ARL15: variants seen among roughly 807,000 people sequenced by gnomAD.
ARL15 encodes ADP-ribosylation factor-like protein 15.
A neutral mutation model predicts 25.2 loss-of-function variants in ARL15; 19 were observed. The ratio of observed to expected loss-of-function variants is 0.75; its 90% CI spans 0.53 to 1.10. ARL15 has a LOEUF of 1.10. Among genes scored for constraint, ARL15 ranks in the 50% least tolerant of loss-of-function variants. The pLI, the probability that ARL15 is intolerant of heterozygous loss-of-function variation, is 0.00. For missense variants in ARL15, 220 were observed against 246.0 expected (o/e 0.89, Z 0.71); for synonymous variants, 94 against 86.8 (o/e 1.08, Z -0.46).
intron 4 of ARL15, among the ~76,000 whole-genome samples, chr5:53,910,590 T>C (rs1252296281): frequency 1.4e-5 from 2 of 140,840 alleles, no homozygotes; most frequent in African/African-American, 5.3e-5. Flanking sequence ...AACCTGCACG[T>C]TGTGCACATG....
intron 4 of ARL15, among the ~76,000 whole-genome samples, chr5:53,953,693 C>T (rs901877586): frequency 2.0e-5 from 3 of 152,108 alleles, no homozygotes; most frequent in African/African-American, 7.2e-5. Flanking sequence ...GTAATGCCGA[C>T]GCCTGAAGGA....
At chr5:54,130,954 T>C (rs888509332) in intron 3 of ARL15, among the ~76,000 whole-genome samples, 14 of 152,136 alleles carry the variant, frequency 9.2e-5, no homozygotes, top group African/African-American at 3.1e-4. Context: ...AGCTTTAAAT[T>C]GAATTTGAGA....
At chr5:53,911,145 A>G (rs1034902040) in intron 4 of ARL15, among the ~76,000 whole-genome samples, 1 of 152,126 alleles carries the variant, frequency 6.6e-6, no homozygotes, top group African/African-American at 2.4e-5. Flanking sequence ...TAATTTTACC[A>G]TGGAGTGTGG....
At chr5:54,264,200 T>A (rs539311297) in intron 1 of ARL15, among the ~76,000 whole-genome samples, 82 of 152,142 alleles carry the variant, frequency 5.4e-4, no homozygotes, top group Middle Eastern at 3.4e-3. Context: ...TCCTTTCTCC[T>A]CCCTAAAAAA....
intron 1 of ARL15, among the ~76,000 whole-genome samples, chr5:54,275,526 G>A (rs1005664929): frequency 2.6e-5 from 4 of 152,040 alleles, no homozygotes; most frequent in African/African-American, 9.7e-5. Flanking sequence ...ACAAACATAC[G>A]GGAGTGGTGA....
intron 4 of ARL15, among the ~76,000 whole-genome samples, chr5:53,917,624 T>C (rs1580077888): frequency 6.6e-6 from 1 of 152,336 alleles, no homozygotes; most frequent in Non-Finnish European, 1.5e-5. Context: ...TTTTTACAAA[T>C]GTGACCAGTT....
intron 4 of ARL15, among the ~76,000 whole-genome samples, chr5:54,070,706 G>A (rs918214962): frequency 2.0e-5 from 3 of 151,776 alleles, no homozygotes; most frequent in African/African-American, 2.4e-5. Context: ...TTGGCTGAGT[G>A]TGGTGGCGAG....
At chr5:53,935,648 G>A (rs1030387092) in intron 4 of ARL15, among the ~76,000 whole-genome samples, 2 of 152,112 alleles carry the variant, frequency 1.3e-5, no homozygotes, top group Admixed American at 6.6e-5. Flanking sequence ...AGTGTGGAGC[G>A]GGAGGAATTT....
intron 3 of ARL15, among the ~76,000 whole-genome samples, chr5:54,134,529 A>C (rs1407389198): frequency 9.0e-6 from 1 of 111,614 alleles, no homozygotes; most frequent in Non-Finnish European, 1.7e-5. Flanking sequence ...CATGTCTATT[A>C]TTCCCTATAG....
Position 53,886,315 on chromosome 5 carries a change from C to A in ARL15, c.*246G>T, listed in dbSNP as rs866438459. On this transcript the variant is annotated 3_prime_UTR_variant, in exon 5 of 5. Coordinates refer to ENST00000504924, the MANE Select transcript of ARL15 (RefSeq NM_019087.3). Reference sequence around the variant, plus strand: ...TAGAACAACAGAAGGAAGAGACATGCGGGGAAGATAATTAGTGGTAAACAG... The same window carrying A: ...TAGAACAACAGAAGGAAGAGACATGAGGGGAAGATAATTAGTGGTAAACAG... 1.0e-5 allele frequency: 4 copies of A among 396,302 alleles called. No homozygotes were observed. The highest frequency in any genetic ancestry group is 6.2e-5 in the African/African-American group (3 of 48,532). 24.5% of individuals were successfully genotyped at this position (396,302 alleles called of 1,614,324 possible). A position where few individuals can be genotyped will look rare whatever the true frequency, so the allele number is the denominator to read the frequency against.
intron 1 of ARL15, among the ~76,000 whole-genome samples, chr5:54,197,204 G>A (rs910044640): frequency 1.7e-4 from 26 of 152,180 alleles, no homozygotes; most frequent in African/African-American, 6.3e-4. Context: ...TCTTTCAGCA[G>A]CAAGAACACA....
intron 4 of ARL15, among the ~76,000 whole-genome samples, chr5:54,074,774 G>A (rs993543762): frequency 6.6e-6 from 1 of 151,834 alleles, no homozygotes; most frequent in African/African-American, 2.4e-5. Context: ...TGACTCTGAA[G>A]CTTAATTTTT....
intron 4 of ARL15, chr5:54,067,104 C>T (rs1393445517): frequency 6.6e-6 from 1 of 152,658 alleles, no homozygotes; most frequent in African/African-American, 2.4e-5. Context: ...AGGAAATTGG[C>T]ACTCCTTTCA....
rs11338403 is a variant in ARL15 at position 54,306,391 on chromosome 5, C to CTT, written c.48+4039_48+4040dup. 8.2e-4 allele frequency among the ~76,000 whole-genome samples: 110 copies of CTT among 134,498 alleles called. 1 individual carries two copies. Among genetic ancestry groups the CTT allele is most frequent in the Non-Finnish European group, 9.5e-4 (61 of 63,924 alleles). The allele number at this position is 134,498 out of a possible 152,430, so 88.2% of individuals were successfully genotyped here. On this transcript the variant is annotated intron_variant, in intron 1 of 4. Transcript: ENST00000504924. ...CAGCAACATAATCACAATACGTTAA[C>CTT]TTTTTTTTTTTTTTTTTGTCTTGAG... is the stretch of plus-strand genomic sequence containing the variant.
intron 4 of ARL15, among the ~76,000 whole-genome samples, chr5:54,094,204 C>A (rs1281705542): frequency 6.6e-6 from 1 of 152,094 alleles, no homozygotes; most frequent in African/African-American, 2.4e-5. Flanking sequence ...GACCAGACCA[C>A]GTAGAGTCTC....
intron 3 of ARL15, among the ~76,000 whole-genome samples, chr5:54,150,851 CA>C (rs34261981): frequency 0.014 from 1,767 of 127,464 alleles, 32 homozygotes; most frequent in Middle Eastern, 0.048. Flanking sequence ...CACTGTTAAC[CA>C]AAAAAAAAAA....
chr5:53,892,548 T>C (rs1580054058), intron 4 of ARL15, among the ~76,000 whole-genome samples: 1 of 152,100 alleles, frequency 6.6e-6, no homozygotes, highest in East Asian at 1.9e-4. Flanking sequence ...ATAGGAATCA[T>C]GGTTTTGGGA....
intron 1 of ARL15, among the ~76,000 whole-genome samples, chr5:54,196,686 T>C (rs4865805): frequency 0.2 from 30,989 of 152,044 alleles, 3,624 homozygotes; most frequent in Admixed American, 0.31. Context: ...ATTTGAGATT[T>C]TGGCATTTAC....
chr5:53,896,843 A>G (rs1377025924), intron 4 of ARL15, among the ~76,000 whole-genome samples: 1 of 152,190 alleles, frequency 6.6e-6, no homozygotes, highest in Non-Finnish European at 1.5e-5. Context: ...ATACTCATTG[A>G]CAAGTTAAGC....
Sources: allele counts gnomAD v4.1 joint callset (sites outside exome capture counted in the v4.1 genomes callset), GRCh38; gene constraint gnomAD v4.1.1; transcripts MANE v1.5; gene names NCBI Gene and HGNC (gene_info 2026-07-23, HGNC 2026-07-21).